The following CSGALNACT1 variants were observed in gnomAD, a reference collection of about 807,000 sequenced individuals.
CSGALNACT1 encodes chondroitin sulfate N-acetylgalactosaminyltransferase 1.
In CSGALNACT1, 52 loss-of-function variants were observed where a neutral mutation model predicts 51.0. That is an observed-to-expected ratio of 1.02 (90% CI 0.82 to 1.29). The LOEUF is 1.29. Ranked by LOEUF, CSGALNACT1 falls within the 50% of genes most tolerant of loss-of-function variation. The pLI, the probability that CSGALNACT1 is intolerant of heterozygous loss-of-function variation, is 0.00. For missense variants in CSGALNACT1, 935 were observed against 679.2 expected, an observed-to-expected ratio of 1.38 and a Z score of -4.19; for synonymous variants, 341 against 254.4, an observed-to-expected ratio of 1.34 and a Z score of -3.24.
chr8:19,534,244 G>A (rs1397747600), intron 3 of CSGALNACT1, among the ~76,000 whole-genome samples: 4 of 152,098 alleles, frequency 2.6e-5, no homozygotes, highest in South Asian at 2.1e-4. Flanking sequence ...TTCAGGTCAG[G>A]AGTTCGAGAC....
At chr8:19,621,465 T>C (rs2053817034) in intron 1 of CSGALNACT1, among the ~76,000 whole-genome samples, 1 of 152,168 alleles carries the variant, frequency 6.6e-6, no homozygotes, top group South Asian at 2.1e-4. Flanking sequence ...TACTTGTTGA[T>C]ATTTTCTTCT....
chr8:19,409,588 G>T (rs751180792), intron 8 of CSGALNACT1, among the ~76,000 whole-genome samples: 3 of 152,146 alleles, frequency 2.0e-5, no homozygotes, highest in Non-Finnish European at 4.4e-5. Context: ...ACAGTTTTGA[G>T]ATCTTAGTTA....
chr8:19,472,145 G>C (rs765872463), intron 4 of CSGALNACT1, among the ~76,000 whole-genome samples: 1 of 152,190 alleles, frequency 6.6e-6, no homozygotes, highest in Non-Finnish European at 1.5e-5. Context: ...AGATATTAGG[G>C]AGTTCTACAA....
At chr8:19,596,747 C>G (rs979783774) in intron 2 of CSGALNACT1, among the ~76,000 whole-genome samples, 3 of 152,074 alleles carry the variant, frequency 2.0e-5, no homozygotes, top group Non-Finnish European at 2.9e-5. Flanking sequence ...TCTAAAAAAT[C>G]TAATTCCTTT....
At chr8:19,736,714 G>A (rs372611870) in intron 1 of CSGALNACT1, among the ~76,000 whole-genome samples, 102 of 152,076 alleles carry the variant, frequency 6.7e-4, no homozygotes, top group African/African-American at 2.1e-3. Flanking sequence ...ATTACCCAGC[G>A]AACAGCACAG....
intron 3 of CSGALNACT1, among the ~76,000 whole-genome samples, chr8:19,552,932 G>A (rs2088582988): frequency 6.6e-6 from 1 of 152,166 alleles, no homozygotes; most frequent in African/African-American, 2.4e-5. Flanking sequence ...GAAAAACAGA[G>A]GCAGGGAAGA....
chr8:19,476,235 TTTTG>T (rs1211324733), intron 4 of CSGALNACT1, among the ~76,000 whole-genome samples: 2 of 152,078 alleles, frequency 1.3e-5, no homozygotes, highest in Admixed American at 6.5e-5. Context: ...TCCCCCAGTT[TTTTG>T]TTTGTTTTTG....
In CSGALNACT1 at chr8:19,592,464, C is replaced by G. The variant is rs114096874; in HGVS notation, c.-415-1186G>C. Among the ~76,000 whole-genome samples, 1,323 of 152,254 alleles carry G rather than the reference C, an allele frequency of 8.7e-3. 20 individuals are homozygous for G. Among genetic ancestry groups the G allele is most frequent in the African/African-American group, 0.029 (1,220 of 41,562 alleles). On this transcript the variant is annotated intron_variant, in intron 2 of 9. Coordinates refer to ENST00000454498, the Ensembl canonical transcript of CSGALNACT1. ...AGAGACAAATAGCATGGATAAAAAG[C>G]AAATGAGCAGGGTATAGTGGCCCAT... is the stretch of plus-strand genomic sequence containing the variant.
intron 1 of CSGALNACT1, among the ~76,000 whole-genome samples, chr8:19,631,550 G>A (rs1289131452): frequency 6.6e-6 from 1 of 152,194 alleles, no homozygotes; most frequent in Admixed American, 6.5e-5. Flanking sequence ...GGGCTCCAGT[G>A]AGAACAAAAT....
At chr8:19,620,741 TA>T (rs925654942) in intron 1 of CSGALNACT1, among the ~76,000 whole-genome samples, 2 of 152,222 alleles carry the variant, frequency 1.3e-5, no homozygotes, top group African/African-American at 4.8e-5. Context: ...ACCCCTTTTT[TA>T]AATTTTAAAA....
intron 2 of CSGALNACT1, among the ~76,000 whole-genome samples, chr8:19,596,148 G>T (rs2048849291): frequency 6.6e-6 from 1 of 152,130 alleles, no homozygotes. Context: ...GATTATAGGT[G>T]TGAGCCACCG....
intron 5 of CSGALNACT1, among the ~76,000 whole-genome samples, chr8:19,445,265 C>T (rs550156495): frequency 4.6e-5 from 7 of 152,320 alleles, no homozygotes; most frequent in South Asian, 4.1e-4. Context: ...CAAGCACACA[C>T]ACAGGGCCAA....
At chr8:19,423,952 G>T (rs1563322412) in intron 6 of CSGALNACT1, among the ~76,000 whole-genome samples, 2 of 152,156 alleles carry the variant, frequency 1.3e-5, no homozygotes, top group Non-Finnish European at 2.9e-5. Flanking sequence ...ACCATATGGG[G>T]GCCGGCGCAC....
chr8:19,748,657 G>A (rs1482898580), intron 1 of CSGALNACT1, among the ~76,000 whole-genome samples: 1 of 152,140 alleles, frequency 6.6e-6, no homozygotes, highest in Non-Finnish European at 1.5e-5. Context: ...TTATGGATGA[G>A]AAACAGGAAT....
chr8:19,616,770 C>T (rs1196677973), intron 1 of CSGALNACT1, among the ~76,000 whole-genome samples: 1 of 152,144 alleles, frequency 6.6e-6, no homozygotes, highest in Non-Finnish European at 1.5e-5. Flanking sequence ...TCCCTGAGGC[C>T]TCCTCATATG....
chr8:19,526,741 C>CTCCA (rs780106019), intron 3 of CSGALNACT1, among the ~76,000 whole-genome samples: 202 of 152,200 alleles, frequency 1.3e-3, no homozygotes, highest in South Asian at 1.7e-3. Context: ...ATAGAAAAAG[C>CTCCA]TCCATCCTTT....
exon 4 of CSGALNACT1, chr8:19,505,279 A>T: frequency 1.2e-6 from 2 of 1,614,188 alleles, no homozygotes; most frequent in Non-Finnish European, 1.7e-6. Context: ...TCCAAGGCTG[A>T]TTCAATGGCT....
At chr8:19,603,038 C>T (rs2050776729), upstream of CSGALNACT1, among the ~76,000 whole-genome samples, 1 of 115,946 alleles carries the variant, frequency 8.6e-6, no homozygotes, top group African/African-American at 3.3e-5. Flanking sequence ...TTTGCTATTA[C>T]TGTGTGTATA....
chr8:19,588,665 A>T (rs771304979), intron 3 of CSGALNACT1, among the ~76,000 whole-genome samples: 6 of 152,222 alleles, frequency 3.9e-5, no homozygotes, highest in Non-Finnish European at 4.4e-5. Flanking sequence ...TTCTAGATCT[A>T]GGAATCCAAA....
Sources: gnomAD v4.1 joint callset for allele counts (sites outside exome capture counted in the v4.1 genomes callset) on GRCh38, gnomAD v4.1.1 for gene constraint, MANE v1.5 for transcripts, NCBI Gene and HGNC (gene_info 2026-07-23, HGNC 2026-07-21) for gene names.